The following ZFR2 variants were observed in gnomAD, a reference collection of about 807,000 sequenced individuals.
ZFR2 encodes zinc finger RNA-binding protein 2.
A neutral mutation model predicts 105.7 loss-of-function variants in ZFR2; 104 were observed. The observed-to-expected ratio is 0.98, with a 90% CI of 0.84 to 1.16. The LOEUF (loss-of-function observed/expected upper bound fraction) is 1.16, where lower values mean the gene tolerates loss of function less well. ZFR2 is among the 50% of genes most tolerant of loss of function. ZFR2 has a pLI of 0.00. For synonymous variants in ZFR2, 634 were observed against 597.7 expected (o/e 1.06, Z -0.89); for missense variants, 1,425 against 1,355.5 (o/e 1.05, Z -0.80).
Position 3,809,121 on chromosome 19 carries a change from G to A in ZFR2, c.2434-138C>T, listed in dbSNP as rs542501956. 2.5e-4 allele frequency: 150 copies of A among 602,692 alleles called. No homozygotes were observed. In the African/African-American group the frequency reaches 2.5e-3, roughly 10 times the overall value. 37.3% of individuals were successfully genotyped at this position (602,692 alleles called of 1,614,324 possible). A position where few individuals can be genotyped will look rare whatever the true frequency, so the allele number is the denominator to read the frequency against. ...TCCCACCACCCACTGAACTTCCGCC[G>A]AGGAGGGCTGCCCGTGGCAGGGCTC... is the stretch of plus-strand genomic sequence containing the variant. On this transcript the variant is annotated intron_variant, in intron 16 of 18. Transcript: ENST00000262961.
chr19:3,844,191 G>T (rs891003429), intron 1 of ZFR2, among the ~76,000 whole-genome samples: 1 of 151,968 alleles, frequency 6.6e-6, no homozygotes, highest in Non-Finnish European at 1.5e-5. Flanking sequence ...GGTAAAACTG[G>T]TCAATTTTAT....
chr19:3,863,301 G>A lies in ZFR2; in HGVS notation c.53+5664C>T, dbSNP rs766437630. On this transcript the variant is annotated intron_variant, in intron 1 of 18. Coordinates refer to ENST00000262961, the MANE Select transcript of ZFR2 (RefSeq NM_015174.2). ...TGTTCTCATGGTCAGCATGGGCTCCGGGCCTTTTTCAAGCTACCTGTTGCC... is the reference window on the plus strand; with the variant it reads ...TGTTCTCATGGTCAGCATGGGCTCCAGGCCTTTTTCAAGCTACCTGTTGCC... 8.5e-5 allele frequency among the ~76,000 whole-genome samples: 13 copies of A among 152,300 alleles called. No homozygotes were observed. In the East Asian group the frequency reaches 1.7e-3, roughly 20 times the overall value.
chr19:3,808,000 TACATCC>T, intron 17 of ZFR2, among the ~76,000 whole-genome samples: 1 of 149,024 alleles, frequency 6.7e-6, no homozygotes, highest in East Asian at 2.0e-4. Flanking sequence ...TGTGTGCAGG[TACATCC>T]ATGTGTGCAC....
At chr19:3,868,934 C>G in intron 1 of ZFR2, 31 bp downstream of exon 1, 5 of 1,283,074 alleles carry the variant, frequency 3.9e-6, no homozygotes, top group Non-Finnish European at 5.0e-6. Flanking sequence ...GGGGCCGGGA[C>G]TGGCGGGGGC....
At chr19:3,814,032 T>C in intron 13 of ZFR2, 74 bp from the exon 14 acceptor site, 7 of 1,582,406 alleles carry the variant, frequency 4.4e-6, no homozygotes, top group Non-Finnish European at 6.0e-6. Flanking sequence ...CAGGATGTGG[T>C]TGGTGTGTGT....
In ZFR2 at chr19:3,834,709, G is replaced by A. The variant is rs985545658; in HGVS notation, c.264+64C>T. On this transcript the variant is annotated intron_variant, in intron 2 of 18. Transcript: ENST00000262961. The surrounding 1 kb of genome is among the most constrained non-coding windows in gnomAD (Gnocchi z 5.3). ...AAGGAGTAGCTGTGGGAAGCCCACCGCTCTCACCCATGCAAGGCGACCCAC... is the reference window on the plus strand; with the variant it reads ...AAGGAGTAGCTGTGGGAAGCCCACCACTCTCACCCATGCAAGGCGACCCAC... 46 of 1,517,264 alleles carry A rather than the reference G, an allele frequency of 3.0e-5. No individual in the cohort carries two copies. Among genetic ancestry groups the A allele is most frequent in the South Asian group, 2.2e-4 (19 of 85,770 alleles). The allele number at this position is 1,517,264 out of a possible 1,614,324, so 94.0% of individuals were successfully genotyped here.
chr19:3,817,743 AAGACTC>A (rs1378427444), intron 12 of ZFR2, among the ~76,000 whole-genome samples: 6 of 142,988 alleles, frequency 4.2e-5, no homozygotes, highest in Middle Eastern at 3.5e-3. Flanking sequence ...GCAACAGAGC[AAGACTC>A]AGTCTCAAAA....
rs892729842 is a variant in ZFR2 at position 3,823,551 on chromosome 19, G to A, written c.1214-148C>T. Reference sequence around the variant, plus strand: ...CTGTGATGTCAGGGGGAATGGCCCCGGACAGCAACCTCGCTCTCCCTTTCA... The same window carrying A: ...CTGTGATGTCAGGGGGAATGGCCCCAGACAGCAACCTCGCTCTCCCTTTCA... On this transcript the variant is annotated intron_variant, in intron 7 of 18. Transcript: ENST00000262961. This position sits in a 1 kb window ranked among gnomAD's most constrained non-coding sequence, Gnocchi z 5.4. The A allele has an allele frequency of 8.7e-6, 7 of 801,284 alleles. No homozygotes were observed. Among genetic ancestry groups the A allele is most frequent in the East Asian group, 5.6e-5 (2 of 35,954 alleles). The allele number at this position is 801,284 out of a possible 1,614,324, so 49.6% of individuals were successfully genotyped here.
Position 3,831,760 on chromosome 19 carries a change from G to A in ZFR2, c.498C>T (p.Tyr166=), listed in dbSNP as rs776289348. Residue 166 remains tyrosine, a synonymous_variant, in exon 4 of 19, where the codon TAC becomes TAT. Transcript: ENST00000262961. ...GQPASTLSSG[Y]TYPTATGVQP... ...GGACGCCTGTCGCCGTGGGGTAGGT[G>A]TATCCCGAGGACAAGGTGCTCGCTG... 5.6e-6 allele frequency: 9 copies of A among 1,610,328 alleles called. No individual in the cohort carries two copies. In the South Asian group the frequency reaches 6.6e-5, roughly 12 times the overall value.
chr19:3,819,939 T>C (rs2037871362), intron 11 of ZFR2, among the ~76,000 whole-genome samples: 1 of 151,716 alleles, frequency 6.6e-6, no homozygotes, highest in Middle Eastern at 3.2e-3. Flanking sequence ...CACAGAGGCA[T>C]GAGGCTCCCC....
chr19:3,852,156 C>CGGGGCTCAGCTGGGTGGCTCTCCTGGCCA (rs1599251578), intron 1 of ZFR2: 5 of 390,076 alleles, frequency 1.3e-5, no homozygotes, highest in Non-Finnish European at 1.9e-5. Context: ...TCTTCTGGCC[C>CGGGGCTCAGCTGGGTGGCTCTCCTGGCCA]AGGCGGGGCT....
chr19:3,815,298 C>T (rs1027638764), intron 13 of ZFR2, among the ~76,000 whole-genome samples: 1 of 152,138 alleles, frequency 6.6e-6, no homozygotes, highest in African/African-American at 2.4e-5. Flanking sequence ...CTATGATGGC[C>T]AAGCTGGTCT....
At chr19:3,825,166 C>G in intron 7 of ZFR2, 64 bp downstream of exon 7, 1 of 1,395,326 alleles carries the variant, frequency 7.2e-7, no homozygotes, top group Non-Finnish European at 9.3e-7. Flanking sequence ...GATTTTCTCA[C>G]GAAACTTTCA....
In ZFR2 at chr19:3,831,664, G is replaced by A; in HGVS notation, c.594C>T (p.Tyr198=). The A allele has an allele frequency of 6.5e-7, 1 of 1,547,836 alleles. No individual in the cohort carries two copies. The highest frequency in any genetic ancestry group is 1.2e-5 in the South Asian group (1 of 80,976). The change falls in exon 4 of 19, where the codon TAC becomes TAT. Residue 198 remains tyrosine (Y), a synonymous_variant. Coordinates refer to ENST00000262961, the MANE Select transcript of ZFR2 (RefSeq NM_015174.2). ...GGCAAGGAACGCTGGTCTTACCCGTGTAGGCGGTGCAGGTGGGGTTGTAGG... is the reference window on the plus strand; with the variant it reads ...GGCAAGGAACGCTGGTCTTACCCGTATAGGCGGTGCAGGTGGGGTTGTAGG... ...PPSYNPTCTA[Y]TAPSYPNYDA...
At chr19:3,844,753 A>G (rs1370213003) in intron 1 of ZFR2, among the ~76,000 whole-genome samples, 1 of 152,166 alleles carries the variant, frequency 6.6e-6, no homozygotes, top group Non-Finnish European at 1.5e-5. Flanking sequence ...TTGTGGTTGA[A>G]TCCTTTAGAT....
At chr19:3,812,594 C>T (rs927803194) in intron 14 of ZFR2, among the ~76,000 whole-genome samples, 2 of 152,156 alleles carry the variant, frequency 1.3e-5, no homozygotes, top group East Asian at 3.9e-4. Context: ...AACCCTTAAC[C>T]CGCCCCCACA....
At position 3,813,646 on chromosome 19, in the gene ZFR2, G is replaced by T. The variant is rs2037794960; in HGVS notation, c.2242+174C>A. Among the ~76,000 whole-genome samples the T allele has an allele frequency of 6.6e-6, 1 of 152,218 alleles. No homozygotes were observed. Among genetic ancestry groups the T allele is most frequent in the African/African-American group, 2.4e-5 (1 of 41,464 alleles). On this transcript the variant is annotated intron_variant, in intron 14 of 18. Transcript: ENST00000262961. This position sits in a 1 kb window ranked among gnomAD's most constrained non-coding sequence, Gnocchi z 4.4. The stretch of plus-strand genomic sequence containing the variant: ...CGACTCGCCGCCTCTGCTGCCCGGA[G>T]ACCCAGCTCTTGTGTGACCCATGGA...
At chr19:3,862,282 G>A (rs1180276531) in intron 1 of ZFR2, among the ~76,000 whole-genome samples, 1 of 152,150 alleles carries the variant, frequency 6.6e-6, no homozygotes, top group African/African-American at 2.4e-5. Context: ...TTCTGCCCCA[G>A]TATGTATGAA....
In ZFR2 at chr19:3,820,250, C is replaced by T. The variant is rs991571797; in HGVS notation, c.1672G>A (p.Ala558Thr). The T allele has an allele frequency of 2.7e-5, 42 of 1,548,336 alleles. No individual in the cohort carries two copies. Among genetic ancestry groups the T allele is most frequent in the Admixed American group, 5.9e-5 (3 of 50,532 alleles). The part of the protein sequence containing the change: ...EEPPQDVPPH[A>T]PPDWAQPLLM... ...AGAGGCTGGGCCCAGTCGGGCGGCG[C>T]GTGGGGCGGCACGTCCTGGGGTGGC... Residue 558 changes from alanine to threonine, a missense_variant, in exon 11 of 19, where the codon GCG (alanine) becomes ACG (threonine). Ala to Thr is a moderately conservative substitution (Grantham distance 58). Transcript: ENST00000262961.
Sources: allele counts gnomAD v4.1 joint callset (sites outside exome capture counted in the v4.1 genomes callset), GRCh38; gene constraint gnomAD v4.1.1; non-coding constraint Gnocchi (gnomAD v3.1); transcripts MANE v1.5; gene names NCBI Gene and HGNC (gene_info 2026-07-23, HGNC 2026-07-21).